Variants in WDFY4 observed in about 807,000 individuals in gnomAD.
WDFY4 encodes WDFY family member 4, also known as WD repeat- and FYVE domain-containing protein 4.
Under a neutral mutation model 351.9 loss-of-function variants are expected in WDFY4, and 169 were observed. The ratio of observed to expected loss-of-function variants is 0.48; its 90% CI spans 0.42 to 0.55. WDFY4 has a LOEUF of 0.55. WDFY4 is among the 20% of genes least tolerant of loss of function. The pLI is 0.00. For synonymous variants in WDFY4, 1,622 were observed against 1,574.6 expected (o/e 1.03, Z -0.71); for missense variants, 3,803 against 3,935.6 (o/e 0.97, Z 0.90).
At chr10:48,734,377 A>G (rs546938225) in intron 10 of WDFY4, among the ~76,000 whole-genome samples, 1 of 152,296 alleles carries the variant, frequency 6.6e-6, no homozygotes, top group South Asian at 2.1e-4. Context: ...AAAGAGTAAC[A>G]TACGGGCAAA....
At chr10:48,742,511 A>G (rs1277114902) in intron 11 of WDFY4, among the ~76,000 whole-genome samples, 5 of 152,198 alleles carry the variant, frequency 3.3e-5, no homozygotes, top group Admixed American at 6.5e-5. Flanking sequence ...GCAAATTGTC[A>G]TTAAGTGTGT....
At chr10:48,933,296 G>A (rs1840144538) in intron 47 of WDFY4, among the ~76,000 whole-genome samples, 1 of 152,156 alleles carries the variant, frequency 6.6e-6, no homozygotes, top group African/African-American at 2.4e-5. Flanking sequence ...TGCCTCATGT[G>A]CATCATCTCA....
intron 39 of WDFY4, among the ~76,000 whole-genome samples, chr10:48,857,592 T>C (rs988428841): frequency 6.6e-6 from 1 of 152,178 alleles, no homozygotes; most frequent in East Asian, 1.9e-4. Context: ...ATTTTGAGAA[T>C]CATTAGTATG....
At chr10:48,776,653 C>A in intron 15 of WDFY4, 97 bp from the exon 16 acceptor site, 1 of 1,244,842 alleles carries the variant, frequency 8.0e-7, no homozygotes, top group Non-Finnish European at 1.1e-6. Context: ...GCGAAACTCT[C>A]TTTCTGGGCT....
chr10:48,972,854 CG>C (rs765817359), intron 57 of WDFY4, among the ~76,000 whole-genome samples: 5 of 152,278 alleles, frequency 3.3e-5, no homozygotes, highest in Non-Finnish European at 7.4e-5. Flanking sequence ...TTTTTGCTAT[CG>C]TTTTTTGCTA....
Position 48,786,868 on chromosome 10 carries a change from A to G in WDFY4, c.3806A>G (p.Gln1269Arg), listed in dbSNP as rs1216886742. The change falls in exon 20 of 62, where the codon CAA becomes CGA. Residue 1269 changes from glutamine to arginine, a missense_variant and splice_region_variant. Gln to Arg is a conservative substitution (Grantham distance 43, BLOSUM62 1). Around this residue, in one of 3 missense-constraint regions of WDFY4, gnomAD observed 3,054 missense variants for 3,148.6 expected, o/e 0.97. Transcript: ENST00000325239. ...YCGNFQAVHV[Q>R]GEDLDSEATP... ...GGTAACTTCCAAGCTGTGCATGTCCAAGGTATGGAGTGTTTTGATTTACAA... is the reference window on the plus strand; with the variant it reads ...GGTAACTTCCAAGCTGTGCATGTCCGAGGTATGGAGTGTTTTGATTTACAA... The G allele has an allele frequency of 1.3e-6, 2 of 1,551,346 alleles. No homozygotes were observed. The highest frequency in any genetic ancestry group is 1.4e-5 in the African/African-American group (1 of 73,046).
chr10:48,844,959 G>A (rs2068727120), intron 39 of WDFY4, among the ~76,000 whole-genome samples: 1 of 152,194 alleles, frequency 6.6e-6, no homozygotes, highest in Non-Finnish European at 1.5e-5. Flanking sequence ...TAGGTTGGAA[G>A]GTCCAAGAAA....
At chr10:48,714,075 G>GT (rs1341071009) in intron 2 of WDFY4, among the ~76,000 whole-genome samples, 2 of 152,224 alleles carry the variant, frequency 1.3e-5, no homozygotes, top group African/African-American at 4.8e-5. Flanking sequence ...GATGTAGGTA[G>GT]TATTTTTATC....
chr10:48,898,901 C>G (rs1228699236), intron 45 of WDFY4, among the ~76,000 whole-genome samples: 1 of 152,174 alleles, frequency 6.6e-6, no homozygotes, highest in Non-Finnish European at 1.5e-5. Flanking sequence ...GGGCACCTCT[C>G]TGGTTTCCTT....
At chr10:48,812,199 GT>G (rs5784778) in intron 30 of WDFY4, among the ~76,000 whole-genome samples, 2 of 137,272 alleles carry the variant, frequency 1.5e-5, no homozygotes, top group East Asian at 2.1e-4. Flanking sequence ...TGTTTTTTTT[GT>G]TTTTTTTTGA....
rs138131909 is a variant in WDFY4, at chr10:48,939,452, A to G, written c.7587-2354A>G. Among the ~76,000 whole-genome samples the G allele has an allele frequency of 5.1e-3, 772 of 152,240 alleles. 3 individuals carry two copies. Among genetic ancestry groups the G allele is most frequent in the African/African-American group, 0.018 (739 of 41,546 alleles). ...GGGGCCCCCCATTTAAGTGGTGGAG[A>G]TAGAATTTAGATCCAGGTGTCCCTG... On this transcript the variant is annotated intron_variant, in intron 47 of 61. Transcript: ENST00000325239.
chr10:48,699,457 A>G (rs144435043), intron 1 of WDFY4, among the ~76,000 whole-genome samples: 6 of 152,290 alleles, frequency 3.9e-5, no homozygotes, highest in Non-Finnish European at 7.4e-5. Context: ...CTTTCCCCAC[A>G]GTGGAGAGTG....
intron 42 of WDFY4, 131 bp from the exon 43 acceptor site, chr10:48,876,900 TGA>T: frequency 1.2e-6 from 1 of 869,344 alleles, no homozygotes. Flanking sequence ...AGGGGCACAG[TGA>T]GAGATCCACG....
At chr10:48,870,678 C>A (rs1242962867) in intron 40 of WDFY4, among the ~76,000 whole-genome samples, 4 of 152,156 alleles carry the variant, frequency 2.6e-5, no homozygotes, top group Non-Finnish European at 5.9e-5. Flanking sequence ...GAAAGAGGGC[C>A]TTACACTGTG....
intron 44 of WDFY4, among the ~76,000 whole-genome samples, chr10:48,892,075 A>G (rs939818329): frequency 6.6e-6 from 1 of 152,068 alleles, no homozygotes; most frequent in Non-Finnish European, 1.5e-5. Context: ...ATCCCATCTT[A>G]TTGCTCATGT....
chr10:48,703,581 C>G (rs1199741325), intron 1 of WDFY4, among the ~76,000 whole-genome samples: 1 of 152,218 alleles, frequency 6.6e-6, no homozygotes, highest in Non-Finnish European at 1.5e-5. Flanking sequence ...CCCTTTGGGT[C>G]ATTCCACATG....
chr10:48,789,061 T>C (rs2066591884), intron 21 of WDFY4, among the ~76,000 whole-genome samples: 1 of 152,080 alleles, frequency 6.6e-6, no homozygotes, highest in Non-Finnish European at 1.5e-5. Flanking sequence ...TTTTTACAGA[T>C]GGGATCTCTC....
chr10:48,857,985 G>T (rs114411869), intron 39 of WDFY4, among the ~76,000 whole-genome samples: 29 of 151,894 alleles, frequency 1.9e-4, no homozygotes, highest in Non-Finnish European at 5.9e-5. Context: ...GTAGAGACAA[G>T]GTTTCACCAC....
chr10:48,872,648 C>G (rs1044633418), intron 40 of WDFY4, among the ~76,000 whole-genome samples: 3 of 152,304 alleles, frequency 2.0e-5, no homozygotes, highest in Admixed American at 1.3e-4. Flanking sequence ...ACTGTGCAAA[C>G]TGAACTGAAC....
Sources: allele counts gnomAD v4.1 joint callset (sites outside exome capture counted in the v4.1 genomes callset), GRCh38; gene constraint gnomAD v4.1.1; regional missense constraint gnomAD v4.1.1; transcripts MANE v1.5; gene names NCBI Gene and HGNC (gene_info 2026-07-23, HGNC 2026-07-21).